The following RELN variants were observed in gnomAD, a reference collection of about 807,000 sequenced individuals.
RELN encodes reelin.
In RELN, 108 loss-of-function variants were observed where a neutral mutation model predicts 427.6. The observed-to-expected ratio is 0.25, with a 90% CI of 0.22 to 0.30. The LOEUF (loss-of-function observed/expected upper bound fraction) is 0.30. Among genes scored for constraint, RELN ranks in the 10% least tolerant of loss-of-function variants. The probability of loss-of-function intolerance (pLI) is 1.00; values close to 1 mark genes in which losing one functional copy is unlikely to be tolerated. For synonymous variants in RELN, 1,524 were observed against 1,513.4 expected (o/e 1.01, Z -0.16); for missense variants, 3,715 against 4,302.8 (o/e 0.86, Z 3.82).
chr7:103,776,728 G>A lies in RELN; in HGVS notation c.474-101C>T, dbSNP rs190291840. ...AAAGCTTATTCTTAAACTTTATTGTGTGGATATGATATTTTTAATGAGTAC... is the reference window on the plus strand; with the variant it reads ...AAAGCTTATTCTTAAACTTTATTGTATGGATATGATATTTTTAATGAGTAC... On this transcript the variant is annotated intron_variant, in intron 3 of 64. Transcript: ENST00000428762. 66 of 1,177,114 alleles carry A rather than the reference G, an allele frequency of 5.6e-5. No individual in the cohort carries two copies. In the East Asian group the frequency reaches 1.6e-3, roughly 29 times the overall value. The allele number at this position is 1,177,114 out of a possible 1,614,324, so 72.9% of individuals were successfully genotyped here. A position where few individuals can be genotyped will look rare whatever the true frequency, so the allele number is the denominator to read the frequency against.
intron 2 of RELN, among the ~76,000 whole-genome samples, chr7:103,842,222 T>C (rs1007666306): frequency 1.3e-5 from 2 of 151,954 alleles, no homozygotes; most frequent in Non-Finnish European, 2.9e-5. Context: ...ATTTGCTCTT[T>C]CTTTAAAAGG....
chr7:103,703,701 G>A (rs1300131857), intron 8 of RELN, among the ~76,000 whole-genome samples: 6 of 151,652 alleles, frequency 4.0e-5, no homozygotes, highest in African/African-American at 7.3e-5. Flanking sequence ...TTGCCTGTTC[G>A]TTTCCTTCCT....
intron 6 of RELN, among the ~76,000 whole-genome samples, chr7:103,739,533 A>G (rs140487637): frequency 5.9e-5 from 9 of 152,312 alleles, no homozygotes; most frequent in African/African-American, 2.2e-4. Context: ...CTTGGGTTCA[A>G]TGGCACATTG....
rs772745844 is a variant in RELN, at chr7:103,700,992, G to A, written c.820C>T (p.Arg274Cys). 3.1e-6 allele frequency: 5 copies of A among 1,605,624 alleles called. No individual in the cohort carries two copies. Among genetic ancestry groups the A allele is most frequent in the Middle Eastern group, 1.7e-4 (1 of 6,050 alleles). The change falls in exon 9 of 65, where the codon CGC becomes TGC. Residue 274 changes from arginine to cysteine, a missense_variant. Physicochemically the swap from Arg to Cys is radical, Grantham distance 180 (BLOSUM62 -3). Transcript: ENST00000428762. ...ATGCTGGGGTCTGAATAACTAAAGC[G>A]ACATGAACCTGACCCTGTAAATAGC... ...LQFSIGSGSC[R>C]FSYSDPSIIV...
At chr7:103,606,631 G>C (rs2117279294) in intron 22 of RELN, among the ~76,000 whole-genome samples, 1 of 152,212 alleles carries the variant, frequency 6.6e-6, no homozygotes, top group Non-Finnish European at 1.5e-5. Flanking sequence ...CCATTAATTT[G>C]AGATTTTTTT....
rs934377740 is a variant in RELN at position 103,677,265 on chromosome 7, G to T, written c.1289+4851C>A. Among the ~76,000 whole-genome samples the T allele has an allele frequency of 2.0e-4, 30 of 150,138 alleles. 1 individual carries two copies. The highest frequency in any genetic ancestry group is 7.4e-4 in the African/African-American group (30 of 40,810). ...CATCATACACTAGGATCTGTGGGGGGTGGGGGACTAGGGGAGGGATAACAT... is the reference window on the plus strand; with the variant it reads ...CATCATACACTAGGATCTGTGGGGGTTGGGGGACTAGGGGAGGGATAACAT... On this transcript the variant is annotated intron_variant, in intron 11 of 64. Coordinates refer to ENST00000428762, the MANE Select transcript of RELN (RefSeq NM_005045.4).
intron 3 of RELN, among the ~76,000 whole-genome samples, chr7:103,831,634 A>T (rs1447415574): frequency 6.6e-6 from 1 of 152,154 alleles, no homozygotes; most frequent in East Asian, 1.9e-4. Flanking sequence ...AAAGCATTCC[A>T]GGCCAAGGAA....
intron 2 of RELN, among the ~76,000 whole-genome samples, chr7:103,850,997 G>A (rs1469534467): frequency 6.6e-6 from 1 of 152,156 alleles, no homozygotes; most frequent in Non-Finnish European, 1.5e-5. Context: ...ATCTACCAGA[G>A]GAAAAGAAGT....
chr7:103,894,434 T>C (rs904950549), intron 2 of RELN, among the ~76,000 whole-genome samples: 2 of 152,212 alleles, frequency 1.3e-5, no homozygotes, highest in Non-Finnish European at 2.9e-5. Flanking sequence ...GCATATTAAA[T>C]GCTTGACAGT....
chr7:103,602,763 T>C (rs1442054318), intron 24 of RELN, among the ~76,000 whole-genome samples: 1 of 152,126 alleles, frequency 6.6e-6, no homozygotes, highest in Non-Finnish European at 1.5e-5. Context: ...CAAACCACCA[T>C]GGCACGTGTA....
chr7:103,566,205 A>T lies in RELN; in HGVS notation c.4936+19T>A. 2 of 1,593,896 alleles carry T rather than the reference A, an allele frequency of 1.3e-6. No individual in the cohort carries two copies. Among genetic ancestry groups the T allele is most frequent in the Non-Finnish European group, 1.7e-6 (2 of 1,161,886 alleles). ...CTAGTTAATCAGATATTTTCCCTTT[A>T]TCTGGTGACAATATATACCTATGTT... On this transcript the variant is annotated intron_variant, in intron 33 of 64. Coordinates refer to ENST00000428762, the MANE Select transcript of RELN (RefSeq NM_005045.4).
intron 8 of RELN, among the ~76,000 whole-genome samples, chr7:103,708,786 C>G (rs1357548823): frequency 6.6e-6 from 1 of 152,110 alleles, no homozygotes; most frequent in African/African-American, 2.4e-5. Context: ...GGTTAACTCT[C>G]TTACACGATT....
In RELN at chr7:103,626,059, G is replaced by A. The variant is rs1386106055; in HGVS notation, c.2702+3881C>T. On this transcript the variant is annotated intron_variant, in intron 20 of 64. Transcript: ENST00000428762. This position sits in a 1 kb window ranked among gnomAD's most constrained non-coding sequence, Gnocchi z 4.4. ...GATGAATGGGTAGAAATTCTGGGTG[G>A]AGCTAGAAGTCAGGGATGTTTGTCA... Among the ~76,000 whole-genome samples, 1 of 152,024 alleles carries A rather than the reference G, an allele frequency of 6.6e-6. No homozygotes were observed. The highest frequency in any genetic ancestry group is 2.4e-5 in the African/African-American group (1 of 41,414).
rs553224900 is a variant in RELN at position 103,719,570 on chromosome 7, C to A, written c.805+3570G>T. Among the ~76,000 whole-genome samples the A allele has an allele frequency of 3.4e-5, 5 of 148,494 alleles. 1 individual carries two copies. In the South Asian group the frequency reaches 8.6e-4, roughly 26 times the overall value. ...GAAGCCAGCTCAAGCAAATACTGAG[C>A]ACACAACAAATATTCAGTGAAATTT... On this transcript the variant is annotated intron_variant, in intron 8 of 64. Transcript: ENST00000428762.
At chr7:103,941,942 TATC>T (rs1796123576) in intron 1 of RELN, among the ~76,000 whole-genome samples, 2 of 151,246 alleles carry the variant, frequency 1.3e-5, no homozygotes, top group South Asian at 4.2e-4. Context: ...AATACTATAT[TATC>T]ATTATATTTA....
At chr7:103,862,426 T>TCTAA (rs1285198147) in intron 2 of RELN, among the ~76,000 whole-genome samples, 1 of 142,228 alleles carries the variant, frequency 7.0e-6, no homozygotes, top group East Asian at 2.0e-4. Context: ...TATCTATCTA[T>TCTAA]CTATCTATCT....
chr7:103,656,817 T>C (rs1348593485), intron 12 of RELN, among the ~76,000 whole-genome samples: 1 of 152,094 alleles, frequency 6.6e-6, no homozygotes, highest in African/African-American at 2.4e-5. Flanking sequence ...ATACTTACTA[T>C]GAACCATGCA....
At chr7:103,858,944 G>A (rs1250997289) in intron 2 of RELN, among the ~76,000 whole-genome samples, 1 of 152,110 alleles carries the variant, frequency 6.6e-6, no homozygotes, top group Non-Finnish European at 1.5e-5. Flanking sequence ...GCAAACACAG[G>A]CTTGCCTAGA....
intron 3 of RELN, among the ~76,000 whole-genome samples, chr7:103,825,063 T>C (rs897551836): frequency 2.0e-5 from 3 of 152,078 alleles, no homozygotes; most frequent in Non-Finnish European, 4.4e-5. Context: ...TTCTTTATTA[T>C]TACTATTATG....
Sources: gnomAD v4.1 joint callset for allele counts (sites outside exome capture counted in the v4.1 genomes callset) on GRCh38, gnomAD v4.1.1 for gene constraint, Gnocchi (gnomAD v3.1) non-coding constraint, MANE v1.5 for transcripts, NCBI Gene and HGNC (gene_info 2026-07-23, HGNC 2026-07-21) for gene names.